Variants in FBRSL1 observed in about 807,000 individuals in gnomAD.
FBRSL1 encodes fibrosin like 1.
Under a neutral mutation model 89.6 loss-of-function variants are expected in FBRSL1, and 51 were observed. That is an observed-to-expected ratio of 0.57 (90% CI 0.45 to 0.72). The LOEUF (loss-of-function observed/expected upper bound fraction) is 0.72, where lower values mean the gene tolerates loss of function less well. Ranked by LOEUF, FBRSL1 falls within the 30% of genes least tolerant of loss-of-function variation. The pLI is 0.00. For missense variants in FBRSL1, 1,618 were observed against 1,451.8 expected (o/e 1.11, Z -1.86); for synonymous variants, 779 against 681.1 (o/e 1.14, Z -2.24).
At chr12:132,538,877 G>A (rs550059163) in intron 4 of FBRSL1, among the ~76,000 whole-genome samples, 2 of 152,246 alleles carry the variant, frequency 1.3e-5, no homozygotes, top group African/African-American at 4.8e-5. Flanking sequence ...GGTTGCAAGG[G>A]TGCCTCCACC....
chr12:132,516,139 A>T (rs2034821138), intron 2 of FBRSL1, among the ~76,000 whole-genome samples: 1 of 152,150 alleles, frequency 6.6e-6, no homozygotes, highest in South Asian at 2.1e-4. Flanking sequence ...TGAAGTGGGC[A>T]AATTACTTGG....
chr12:132,495,864 C>T (rs534386246), intron 1 of FBRSL1, among the ~76,000 whole-genome samples: 1 of 152,360 alleles, frequency 6.6e-6, no homozygotes, highest in South Asian at 2.1e-4. Flanking sequence ...GCAGGGCTTG[C>T]ACCTGGCCTG....
chr12:132,524,045 T>A (rs1034111323), intron 2 of FBRSL1, among the ~76,000 whole-genome samples: 2 of 152,216 alleles, frequency 1.3e-5, no homozygotes, highest in Non-Finnish European at 2.9e-5. Flanking sequence ...CCCCGGGCTC[T>A]GCTGCACAGG....
At chr12:132,582,351 C>G in intron 18 of FBRSL1, 85 bp downstream of exon 18, 2 of 1,188,684 alleles carry the variant, frequency 1.7e-6, no homozygotes, top group Non-Finnish European at 2.4e-6. Flanking sequence ...TTCCCCCTCC[C>G]CCGTTCCCTC....
In FBRSL1 at chr12:132,570,113, C is replaced by T; in HGVS notation, c.879C>T (p.Ala293=). 2.0e-6 allele frequency: 3 copies of T among 1,480,530 alleles called. No individual in the cohort carries two copies. The highest frequency in any genetic ancestry group is 2.7e-6 in the Non-Finnish European group (3 of 1,123,154). 91.7% of individuals were successfully genotyped at this position (1,480,530 alleles called of 1,614,324 possible). A position where few individuals can be genotyped will look rare whatever the true frequency, so the allele number is the denominator to read the frequency against. Residue 293 remains alanine (A), a synonymous_variant, in exon 7 of 19, where the codon GCC becomes GCT. Transcript: ENST00000680143. Reference sequence around the variant, plus strand: ...CCTTGGTGAAGAAGGAACCCCCCGCCCCGCACCGCCACACCCCGCAGCCGC... The same window carrying T: ...CCTTGGTGAAGAAGGAACCCCCCGCTCCGCACCGCCACACCCCGCAGCCGC... ...ANPLVKKEPP[A]PHRHTPQPPP...
chr12:132,490,429 C>A lies in FBRSL1; in HGVS notation c.-142C>A. 1.9e-6 allele frequency: 1 copy of A among 520,074 alleles called. No homozygotes were observed. The highest frequency in any genetic ancestry group is 2.4e-6 in the Non-Finnish European group (1 of 412,134). 32.2% of individuals were successfully genotyped at this position (520,074 alleles called of 1,614,324 possible). A position where few individuals can be genotyped will look rare whatever the true frequency, so the allele number is the denominator to read the frequency against. ...CCCGCGCCCGGCATGCCCGGCCCGG[C>A]CCGCCGCCCGCCGCCGCCCAGGGCC... On this transcript the variant is annotated 5_prime_UTR_variant, in exon 1 of 19. Coordinates refer to ENST00000680143, the MANE Select transcript of FBRSL1 (RefSeq NM_001367871.1).
intron 6 of FBRSL1, 125 bp from the exon 7 acceptor site, chr12:132,569,801 A>C: frequency 1.5e-6 from 1 of 684,828 alleles, no homozygotes; most frequent in African/African-American, 1.9e-5. Flanking sequence ...TCCTCATCTG[A>C]AATGGGGGCA....
At chr12:132,560,554 C>T (rs746608573) in intron 5 of FBRSL1, among the ~76,000 whole-genome samples, 6 of 152,138 alleles carry the variant, frequency 3.9e-5, no homozygotes, top group Non-Finnish European at 8.8e-5. Flanking sequence ...GTTCCCGGCG[C>T]CGCGCTCACC....
chr12:132,551,186 T>C, intron 5 of FBRSL1: 1 of 351,256 alleles, frequency 2.8e-6, no homozygotes, highest in South Asian at 2.1e-5. Context: ...GCATCAGCAG[T>C]GCCCAGAGCC....
Position 132,572,297 on chromosome 12 carries a change from T to A in FBRSL1, c.1387T>A (p.Tyr463Asn). 1.3e-6 allele frequency: 2 copies of A among 1,551,084 alleles called. No individual in the cohort carries two copies. The highest frequency in any genetic ancestry group is 1.7e-6 in the Non-Finnish European group (2 of 1,146,686). ...TCTCCTTCCCTTCCAGTTTGACAAG[T>A]ATGCGCCCAAGCTGGACAGCCCCTA... ...CRPRECQFDK[Y>N]APKLDSPYFR... The change falls in exon 10 of 19, where the codon TAT (tyrosine) becomes AAT (asparagine). Residue 463 changes from tyrosine (Y) to asparagine (N), a missense_variant. Tyr to Asn is a moderately radical substitution (Grantham distance 143, BLOSUM62 -2). Coordinates refer to ENST00000680143, the MANE Select transcript of FBRSL1 (RefSeq NM_001367871.1).
chr12:132,541,345 A>C (rs2037253702), intron 4 of FBRSL1, among the ~76,000 whole-genome samples: 1 of 152,106 alleles, frequency 6.6e-6, no homozygotes, highest in Admixed American at 6.5e-5. Flanking sequence ...CCTCACCCTC[A>C]AGTGCCAGAT....
chr12:132,572,148 GGGACGGCT>G, intron 9 of FBRSL1, 132 bp from the exon 10 acceptor site: 4 of 705,406 alleles, frequency 5.7e-6, no homozygotes, highest in Non-Finnish European at 7.1e-6. Flanking sequence ...AGAGGAGCCT[GGGACGGCT>G]GGCCGAAGCC....
In FBRSL1 at chr12:132,509,513, T is replaced by C. The variant is rs145374414; in HGVS notation, c.489+1163T>C. The C allele has an allele frequency of 1.1e-3, 1,386 of 1,235,884 alleles. 18 individuals carry two copies. The African/African-American group carries it at 0.02, about 18-fold the overall frequency. The allele number at this position is 1,235,884 out of a possible 1,614,324, so 76.6% of individuals were successfully genotyped here. On this transcript the variant is annotated intron_variant, in intron 2 of 18. Transcript: ENST00000680143. ...GCCCGGCCCAGCCCTGCCGGCCGCATTGGGCACTCCCAGGCCCCAGGCAGT... is the reference window on the plus strand; with the variant it reads ...GCCCGGCCCAGCCCTGCCGGCCGCACTGGGCACTCCCAGGCCCCAGGCAGT...
At chr12:132,500,909 CA>C (rs2032860038) in intron 1 of FBRSL1, among the ~76,000 whole-genome samples, 1 of 152,234 alleles carries the variant, frequency 6.6e-6, no homozygotes, top group African/African-American at 2.4e-5. Flanking sequence ...CATACCCCAG[CA>C]GGCCTCTGGC....
At chr12:132,545,980 C>T (rs979328997) in intron 4 of FBRSL1, among the ~76,000 whole-genome samples, 14 of 152,186 alleles carry the variant, frequency 9.2e-5, no homozygotes, top group Admixed American at 1.3e-4. Flanking sequence ...ACCTCCAGGG[C>T]GCACTCCCTC....
chr12:132,554,136 C>A (rs754240188), intron 5 of FBRSL1: 1 of 152,252 alleles, frequency 6.6e-6, no homozygotes, highest in Non-Finnish European at 1.5e-5. Context: ...GGGGGTCCCA[C>A]GAACACTGCA....
At chr12:132,560,013 G>A (rs1261651718) in intron 5 of FBRSL1, 1 of 148,846 alleles carries the variant, frequency 6.7e-6, no homozygotes, top group East Asian at 1.9e-4. Flanking sequence ...CCCGACGTCC[G>A]CCCGGGAGCC....
chr12:132,562,904 A>G (rs1024054405), intron 5 of FBRSL1, among the ~76,000 whole-genome samples: 5 of 151,900 alleles, frequency 3.3e-5, no homozygotes, highest in Admixed American at 6.5e-5. Flanking sequence ...ATGGTTTTTC[A>G]CTTCTATGTT....
Position 132,508,145 on chromosome 12 carries a change from C to T in FBRSL1, c.292-8C>T, listed in dbSNP as rs1593273917. 1.3e-6 allele frequency: 2 copies of T among 1,550,864 alleles called. No homozygotes were observed. The highest frequency in any genetic ancestry group is 1.7e-6 in the Non-Finnish European group (2 of 1,146,828). On this transcript the variant is annotated splice_region_variant and splice_polypyrimidine_tract_variant and intron_variant, in intron 1 of 18. Transcript: ENST00000680143. ...CCAATTAACTGGCGTTTCCCTGTCTCCCTGCAGAAGGATATGGCCCTGAAG... is the reference window on the plus strand; with the variant it reads ...CCAATTAACTGGCGTTTCCCTGTCTTCCTGCAGAAGGATATGGCCCTGAAG...
Sources: gnomAD v4.1 joint callset for allele counts (sites outside exome capture counted in the v4.1 genomes callset) on GRCh38, gnomAD v4.1.1 for gene constraint, MANE v1.5 for transcripts, NCBI Gene and HGNC (gene_info 2026-07-23, HGNC 2026-07-21) for gene names.